The following DNM3 variants were observed in gnomAD, a reference collection of about 807,000 sequenced individuals.
DNM3 encodes dynamin-3.
In DNM3, 47 loss-of-function variants were observed where a neutral mutation model predicts 101.6. That is an observed-to-expected ratio of 0.46 (90% CI 0.37 to 0.59). The LOEUF (loss-of-function observed/expected upper bound fraction) is 0.59, where lower values mean the gene tolerates loss of function less well. DNM3 is among the 20% of genes least tolerant of loss of function. The pLI is 0.00. For missense variants in DNM3, 849 were observed against 1,085.7 expected (o/e 0.78, Z 3.06); for synonymous variants, 385 against 387.9 (o/e 0.99, Z 0.09).
At chr1:171,981,992 C>T (rs541061289) in intron 2 of DNM3, among the ~76,000 whole-genome samples, 1 of 152,130 alleles carries the variant, frequency 6.6e-6, no homozygotes, top group South Asian at 2.1e-4. Context: ...GCTGAAGCCT[C>T]AAGTTGTTTG....
At chr1:172,349,941 A>C (rs940062586) in intron 17 of DNM3, among the ~76,000 whole-genome samples, 1 of 152,182 alleles carries the variant, frequency 6.6e-6, no homozygotes, top group Admixed American at 6.5e-5. Context: ...TCATGTATAT[A>C]GAAAACTCAT....
Position 172,269,937 on chromosome 1 carries a change from C to T in DNM3, c.1769+16255C>T, listed in dbSNP as rs1335805932. On this transcript the variant is annotated intron_variant, in intron 15 of 20. Transcript: ENST00000627582. ...CAGCCTGAAGGAAATGTTTAAATAC[C>T]AATATCTCTTTGGCCGTCTTAGAGG... 6.6e-5 allele frequency among the ~76,000 whole-genome samples: 10 copies of T among 152,008 alleles called. No homozygotes were observed. The South Asian group carries it at 1.7e-3, about 25-fold the overall frequency.
At chr1:172,073,052 A>C (rs2052331948) in intron 11 of DNM3, among the ~76,000 whole-genome samples, 1 of 152,002 alleles carries the variant, frequency 6.6e-6, no homozygotes, top group Admixed American at 6.6e-5. Context: ...GCTTCTATGG[A>C]GTGTACATTC....
At chr1:172,293,870 A>G (rs2064035240) in intron 15 of DNM3, among the ~76,000 whole-genome samples, 1 of 152,228 alleles carries the variant, frequency 6.6e-6, no homozygotes, top group South Asian at 2.1e-4. Context: ...ACTCTGGAGA[A>G]AGGTCAGTGA....
chr1:171,993,498 C>CTT (rs145178902), intron 4 of DNM3, among the ~76,000 whole-genome samples: 78,944 of 128,436 alleles, frequency 0.61, 24,607 homozygotes, highest in East Asian at 0.75. Context: ...TTTCAAGATT[C>CTT]TTTTTTTTTT....
intron 18 of DNM3, among the ~76,000 whole-genome samples, chr1:172,381,928 CTT>C (rs1294579499): frequency 1.3e-5 from 2 of 152,114 alleles, no homozygotes; most frequent in Admixed American, 6.6e-5. Context: ...GGCCTTTCCT[CTT>C]TGAAATGGGA....
chr1:172,080,263 G>A (rs1426614865), intron 11 of DNM3, among the ~76,000 whole-genome samples: 1 of 152,170 alleles, frequency 6.6e-6, no homozygotes, highest in Non-Finnish European at 1.5e-5. Flanking sequence ...AGGAAGATGG[G>A]AGTTTTATCT....
At chr1:172,385,463 C>A (rs1205538952) in intron 18 of DNM3, among the ~76,000 whole-genome samples, 1 of 152,202 alleles carries the variant, frequency 6.6e-6, no homozygotes, top group Non-Finnish European at 1.5e-5. Flanking sequence ...CGTGCATAAA[C>A]CTCTACTCCA....
intron 17 of DNM3, among the ~76,000 whole-genome samples, chr1:172,364,897 T>C (rs1558047400): frequency 1.3e-5 from 2 of 152,012 alleles, no homozygotes; most frequent in East Asian, 3.9e-4. Context: ...TCCACCATGA[T>C]TGTAAGTTTC....
intron 14 of DNM3, among the ~76,000 whole-genome samples, chr1:172,142,486 G>A (rs113353802): frequency 0.021 from 3,126 of 152,064 alleles, 43 homozygotes; most frequent in Admixed American, 0.029. Context: ...GCCACATCAA[G>A]CATGTGCAGG....
intron 12 of DNM3, among the ~76,000 whole-genome samples, chr1:172,089,788 C>T (rs1032644140): frequency 2.0e-5 from 3 of 152,120 alleles, no homozygotes; most frequent in Non-Finnish European, 2.9e-5. Flanking sequence ...TGGAAACTGT[C>T]AATGGACATT....
intron 18 of DNM3, among the ~76,000 whole-genome samples, chr1:172,384,457 T>C (rs2149070683): frequency 6.6e-6 from 1 of 152,312 alleles, no homozygotes; most frequent in Non-Finnish European, 1.5e-5. Flanking sequence ...TTGAGGTAGC[T>C]CTACCCTCAT....
chr1:172,346,883 C>T (rs2066967363), intron 17 of DNM3, among the ~76,000 whole-genome samples: 1 of 152,144 alleles, frequency 6.6e-6, no homozygotes, highest in African/African-American at 2.4e-5. Context: ...ATTCCAAGTT[C>T]CAAAGACTCC....
chr1:172,103,049 T>C (rs2054763548), intron 13 of DNM3, among the ~76,000 whole-genome samples: 1 of 152,104 alleles, frequency 6.6e-6, no homozygotes, highest in East Asian at 1.9e-4. Flanking sequence ...ACAATAAATA[T>C]ATGAACACAT....
downstream of DNM3, among the ~76,000 whole-genome samples, chr1:172,417,548 A>G (rs2071472253): frequency 6.6e-6 from 1 of 152,184 alleles, no homozygotes; most frequent in African/African-American, 2.4e-5. Flanking sequence ...CCCACTTCAG[A>G]ACAAATCAGA....
At chr1:172,316,003 C>A (rs571836399) in intron 16 of DNM3, among the ~76,000 whole-genome samples, 1 of 152,084 alleles carries the variant, frequency 6.6e-6, no homozygotes, top group Admixed American at 6.5e-5. Context: ...GTCGGGTTAC[C>A]CACAAAGGGA....
At chr1:172,025,751 T>A (rs903693847) in intron 4 of DNM3, among the ~76,000 whole-genome samples, 1 of 152,026 alleles carries the variant, frequency 6.6e-6, no homozygotes, top group Non-Finnish European at 1.5e-5. Flanking sequence ...CAGAAAAGAA[T>A]AGCATCAACG....
chr1:172,392,791 A>G (rs935305721), intron 20 of DNM3, among the ~76,000 whole-genome samples: 2 of 152,184 alleles, frequency 1.3e-5, no homozygotes, highest in Admixed American at 6.5e-5. Flanking sequence ...ATCACTCAAT[A>G]TTCAAGTACT....
rs1383619633 is a variant in DNM3, at chr1:172,360,176, A to G, written c.1894-18842A>G. Among the ~76,000 whole-genome samples, 6 of 152,040 alleles carry G rather than the reference A, an allele frequency of 3.9e-5. No individual in the cohort carries two copies. The East Asian group carries it at 9.7e-4, about 25-fold the overall frequency. ...TATTACCATATCCCTCTGGGTAAAT[A>G]ACTCATTTAGCTATCTTTATAATCC... On this transcript the variant is annotated intron_variant, in intron 17 of 20. Transcript: ENST00000627582.
Sources: gnomAD v4.1 joint callset for allele counts (sites outside exome capture counted in the v4.1 genomes callset) on GRCh38, gnomAD v4.1.1 for gene constraint, MANE v1.5 for transcripts, NCBI Gene and HGNC (gene_info 2026-07-23, HGNC 2026-07-21) for gene names.